NLRP14: variants seen among roughly 807,000 people sequenced by gnomAD.
The protein encoded by NLRP14 is NACHT, LRR and PYD domains-containing protein 14.
In NLRP14, 105 loss-of-function variants were observed where a neutral mutation model predicts 94.7. The ratio of observed to expected loss-of-function variants is 1.11; its 90% confidence interval spans 0.95 to 1.30. The LOEUF (loss-of-function observed/expected upper bound fraction) is 1.30, where lower values mean the gene tolerates loss of function less well. NLRP14 is among the 50% of genes most tolerant of loss of function. The pLI, the probability that NLRP14 is intolerant of heterozygous loss-of-function variation, is 0.00. For synonymous variants in NLRP14, 508 were observed against 459.9 expected (o/e 1.10, Z -1.34); for missense variants, 1,362 against 1,254.1 (o/e 1.09, Z -1.30).
chr11:7,084,978 G>A, the NLRP14 span, among the ~76,000 whole-genome samples: 1 of 152,192 alleles, frequency 6.6e-6, no homozygotes, highest in Non-Finnish European at 1.5e-5. Context: ...CCAGGAGCTG[G>A]AGAATTGGTT....
At chr11:7,021,925 G>A (rs1851948856) in intron 1 of NLRP14, among the ~76,000 whole-genome samples, 1 of 150,974 alleles carries the variant, frequency 6.6e-6, no homozygotes. Context: ...AATATTACCT[G>A]AACCTCATTG....
intron 10 of NLRP14, among the ~76,000 whole-genome samples, chr11:7,069,836 T>A (rs1188353176): frequency 1.3e-5 from 2 of 151,984 alleles, no homozygotes; most frequent in Non-Finnish European, 2.9e-5. Context: ...CATGTTGGCC[T>A]GGTTGGTCTC....
rs139260592 is a variant in NLRP14 at position 7,043,922 on chromosome 11, G to T, written c.1896G>T (p.Arg632Ser). 13 of 1,613,994 alleles carry T rather than the reference G, an allele frequency of 8.1e-6. No homozygotes were observed. Among genetic ancestry groups the T allele is most frequent in the South Asian group, 3.3e-5 (3 of 91,082 alleles). Reference sequence around the variant, plus strand: ...ACTGCCGGTGTTTGCGGACCATCAGGCTGTCTGTAACTGTGGTATTTGAGA... The same window carrying T: ...ACTGCCGGTGTTTGCGGACCATCAGTCTGTCTGTAACTGTGGTATTTGAGA... ...LKHCRCLRTIRLSVTVVFEKK... is the reference protein window; with the variant it reads ...LKHCRCLRTISLSVTVVFEKK... Residue 632 changes from arginine (R) to serine (S), a missense_variant, in exon 4 of 12, where the codon AGG becomes AGT. Coordinates refer to ENST00000299481, the MANE Select transcript of NLRP14 (RefSeq NM_176822.4).
Position 7,042,779 on chromosome 11 carries a change from A to C in NLRP14, c.753A>C (p.Pro251=). The change falls in exon 4 of 12, where the codon CCA becomes CCC. Residue 251 remains proline (P), a synonymous_variant. Transcript: ENST00000299481. ...CCATTGAAGAAATCATGTACCAGCC[A>C]AGTAGCCTCTTGTTTATTATTGACA... ...EGPIEEIMYQ[P]SSLLFIIDSF... 6.2e-7 allele frequency: 1 copy of C among 1,614,228 alleles called. No individual in the cohort carries two copies. The highest frequency in any genetic ancestry group is 8.5e-7 in the Non-Finnish European group (1 of 1,180,034).
At chr11:7,055,593 T>C (rs547701976) in intron 6 of NLRP14, among the ~76,000 whole-genome samples, 8 of 152,124 alleles carry the variant, frequency 5.3e-5, no homozygotes, top group African/African-American at 1.4e-4. Flanking sequence ...GTTTTCTGAT[T>C]CTTGTTTGCT....
At chr11:7,076,667 C>G in the NLRP14 span, among the ~76,000 whole-genome samples, 1 of 152,104 alleles carries the variant, frequency 6.6e-6, no homozygotes, top group Admixed American at 6.5e-5. Context: ...CTCCCCTTTC[C>G]TACCAAAGCA....
intron 1 of NLRP14, among the ~76,000 whole-genome samples, chr11:7,037,614 G>A (rs114076715): frequency 0.01 from 1,532 of 152,274 alleles, 21 homozygotes; most frequent in African/African-American, 0.033. Context: ...GAGCACCCAT[G>A]CTGAATAAGA....
chr11:7,024,716 T>G (rs1851990774), intron 1 of NLRP14, among the ~76,000 whole-genome samples: 1 of 152,142 alleles, frequency 6.6e-6, no homozygotes, highest in South Asian at 2.1e-4. Flanking sequence ...ATATCTCTAA[T>G]AAGCTTAGAA....
chr11:7,041,927 A>G (rs1852257843), intron 3 of NLRP14, among the ~76,000 whole-genome samples: 1 of 151,936 alleles, frequency 6.6e-6, no homozygotes, highest in African/African-American at 2.4e-5. Context: ...GTTTATTTCT[A>G]TTAACTTTTT....
chr11:7,046,788 G>C lies in NLRP14; in HGVS notation c.2079G>C (p.Leu693=). 6.2e-7 allele frequency: 1 copy of C among 1,613,692 alleles called. No individual in the cohort carries two copies. The highest frequency in any genetic ancestry group is 8.5e-7 in the Non-Finnish European group (1 of 1,179,646). ...SNLDKSAMNI[L]HHELRHPNCK... is the part of the protein sequence containing the mutation. The stretch of plus-strand genomic sequence containing the variant: ...TTGATAAATCAGCAATGAATATCCT[G>C]CATCATGAACTAAGGCACCCAAACT... The change falls in exon 5 of 12, where the codon CTG becomes CTC. Residue 693 remains leucine (L), a synonymous_variant. Transcript: ENST00000299481.
chr11:7,049,214 T>C (rs1043059512), intron 5 of NLRP14, among the ~76,000 whole-genome samples: 1 of 152,150 alleles, frequency 6.6e-6, no homozygotes, highest in Non-Finnish European at 1.5e-5. Flanking sequence ...TTGGGCTGCC[T>C]CCGTACACCT....
chr11:7,051,370 C>A (rs1030380748), intron 6 of NLRP14, among the ~76,000 whole-genome samples: 1 of 152,064 alleles, frequency 6.6e-6, no homozygotes, highest in Non-Finnish European at 1.5e-5. Context: ...TATGAATGTC[C>A]TCATTAGTTT....
chr11:7,058,208 T>C (rs2119678535), intron 7 of NLRP14, 72 bp from the exon 8 acceptor site: 1 of 1,315,230 alleles, frequency 7.6e-7, no homozygotes, highest in Non-Finnish European at 1.1e-6. Flanking sequence ...TGCCACTGAT[T>C]TCCCTGTGAA....
At chr11:7,085,315 G>A in the NLRP14 span, among the ~76,000 whole-genome samples, 1 of 152,262 alleles carries the variant, frequency 6.6e-6, no homozygotes, top group Non-Finnish European at 1.5e-5. Context: ...TATTCATACT[G>A]TTGTGTAACC....
At chr11:7,047,506 G>T (rs1283794182) in intron 5 of NLRP14, among the ~76,000 whole-genome samples, 4 of 151,686 alleles carry the variant, frequency 2.6e-5, no homozygotes, top group Non-Finnish European at 5.9e-5. Context: ...TGGTCTCACT[G>T]TGTTGCCCAG....
the NLRP14 span, among the ~76,000 whole-genome samples, chr11:7,083,063 G>A: frequency 6.6e-6 from 1 of 152,234 alleles, no homozygotes; most frequent in Non-Finnish European, 1.5e-5. Flanking sequence ...GCACGGGGAA[G>A]AAAGAAGAAA....
intron 1 of NLRP14, among the ~76,000 whole-genome samples, chr11:7,035,842 C>T (rs1246862438): frequency 6.6e-6 from 1 of 152,080 alleles, no homozygotes; most frequent in Non-Finnish European, 1.5e-5. Flanking sequence ...CAGAGCATGG[C>T]CACACAGATT....
rs779313746 is a variant in NLRP14 at position 7,043,887 on chromosome 11, T to C, written c.1861T>C (p.Cys621Arg). 3.1e-6 allele frequency: 5 copies of C among 1,614,174 alleles called. No homozygotes were observed. In the East Asian group the frequency reaches 8.9e-5, roughly 29 times the overall value. Residue 621 changes from cysteine (C) to arginine (R), a missense_variant, in exon 4 of 12, where the codon TGC becomes CGC. Physicochemically the swap from Cys to Arg is radical, Grantham distance 180. Coordinates refer to ENST00000299481, the MANE Select transcript of NLRP14 (RefSeq NM_176822.4). ...EKIHLLVSSF[C>R]LKHCRCLRTI... The stretch of plus-strand genomic sequence containing the variant: ...AATACATTTGCTTGTATCTTCTTTC[T>C]GCCTTAAGCACTGCCGGTGTTTGCG...
At position 7,070,309 on chromosome 11, in the gene NLRP14, C is replaced by G; in HGVS notation, c.2999C>G (p.Ser1000Cys). The G allele has an allele frequency of 6.2e-7, 1 of 1,612,122 alleles. No individual in the cohort carries two copies. Among genetic ancestry groups the G allele is most frequent in the Non-Finnish European group, 8.5e-7 (1 of 1,178,420 alleles). The change falls in exon 11 of 12, where the codon TCT becomes TGT. Residue 1000 changes from serine to cysteine, a missense_variant. Coordinates refer to ENST00000299481, the MANE Select transcript of NLRP14 (RefSeq NM_176822.4). The part of the protein sequence containing the change: ...RLGLEYCGLT[S>C]LCCQDLSSAL... Reference sequence around the variant, plus strand: ...AGGTTGGAATACTGTGGTTTGACATCTCTCTGCTGTCAAGATCTCTCCTCT... The same window carrying G: ...AGGTTGGAATACTGTGGTTTGACATGTCTCTGCTGTCAAGATCTCTCCTCT...
Sources: gnomAD v4.1 joint callset for allele counts (sites outside exome capture counted in the v4.1 genomes callset) on GRCh38, gnomAD v4.1.1 for gene constraint, MANE v1.5 for transcripts, NCBI Gene and HGNC (gene_info 2026-07-23, HGNC 2026-07-21) for gene names.